SPOCK3: variants seen among roughly 807,000 people sequenced by gnomAD.
The protein encoded by SPOCK3 is testican-3.
Under a neutral mutation model 56.6 loss-of-function variants are expected in SPOCK3, and 30 were observed. The observed-to-expected ratio is 0.53, with a 90% CI of 0.40 to 0.72. The LOEUF is 0.72. Ranked by LOEUF, SPOCK3 falls within the 30% of genes least tolerant of loss-of-function variation. The pLI is 0.00. For synonymous variants in SPOCK3, 196 were observed against 183.3 expected, an observed-to-expected ratio of 1.07 and a Z score of -0.56; for missense variants, 527 against 530.0, an observed-to-expected ratio of 0.99 and a Z score of 0.06.
At chr4:167,116,907 G>GTTTATATATATATATA (rs1439696016) in intron 2 of SPOCK3, among the ~76,000 whole-genome samples, 1 of 108,572 alleles carries the variant, frequency 9.2e-6, no homozygotes, top group Non-Finnish European at 2.1e-5. Flanking sequence ...TTTTGTGTGT[G>GTTTATATATATATATA]TGTGTGTATA....
At chr4:166,781,138 T>G (rs1310681745) in intron 7 of SPOCK3, among the ~76,000 whole-genome samples, 1 of 152,014 alleles carries the variant, frequency 6.6e-6, no homozygotes, top group African/African-American at 2.4e-5. Flanking sequence ...ACACAATATA[T>G]CCAGTTTTAA....
At chr4:167,139,156 T>C (rs575430933) in intron 2 of SPOCK3, among the ~76,000 whole-genome samples, 3 of 152,092 alleles carry the variant, frequency 2.0e-5, no homozygotes, top group African/African-American at 7.2e-5. Context: ...GCCCATATAA[T>C]AGATTCATTT....
intron 4 of SPOCK3, among the ~76,000 whole-genome samples, chr4:166,972,208 G>A (rs143759131): frequency 1.4e-3 from 218 of 152,216 alleles, no homozygotes; most frequent in Non-Finnish European, 2.5e-3. Flanking sequence ...ATTACTCAGC[G>A]AAAGAGAAAG....
chr4:167,170,553 C>T (rs1014209706), intron 2 of SPOCK3, among the ~76,000 whole-genome samples: 59 of 152,124 alleles, frequency 3.9e-4, no homozygotes, highest in African/African-American at 1.4e-3. Context: ...ATTCTCTAAT[C>T]ATTCCAGTTT....
At position 167,218,389 on chromosome 4, in the gene SPOCK3, C is replaced by T. The variant is rs139556594; in HGVS notation, c.189+15596G>A. ...ACCTTTGAGGCTGATGCCAAAGATC[C>T]TCTAGAACCTACACATTAGAGCAAA... On this transcript the variant is annotated intron_variant, in intron 2 of 10. Coordinates refer to ENST00000357545, the MANE Select transcript of SPOCK3 (RefSeq NM_001040159.2). Among the ~76,000 whole-genome samples, 255 of 152,226 alleles carry T rather than the reference C, an allele frequency of 1.7e-3. 7 individuals are homozygous for T. The highest frequency in any genetic ancestry group is 0.015 in the Admixed American group (229 of 15,266).
intron 7 of SPOCK3, among the ~76,000 whole-genome samples, chr4:166,768,111 C>T (rs1252789115): frequency 6.6e-6 from 1 of 152,020 alleles, no homozygotes; most frequent in Non-Finnish European, 1.5e-5. Context: ...CTCCTGAATA[C>T]AGCACACTGA....
intron 6 of SPOCK3, among the ~76,000 whole-genome samples, chr4:166,828,663 T>G (rs2126786642): frequency 1.3e-5 from 2 of 152,194 alleles, no homozygotes; most frequent in Middle Eastern, 3.4e-3. Flanking sequence ...AATGATTGTT[T>G]TGCATTGTGA....
chr4:166,953,014 A>G (rs1004637229), intron 4 of SPOCK3, among the ~76,000 whole-genome samples: 14 of 151,856 alleles, frequency 9.2e-5, no homozygotes, highest in African/African-American at 3.4e-4. Flanking sequence ...CATTCAGGAC[A>G]TAGGCATGGG....
intron 4 of SPOCK3, among the ~76,000 whole-genome samples, chr4:166,984,027 C>T (rs755618784): frequency 9.9e-5 from 15 of 151,782 alleles, no homozygotes; most frequent in Non-Finnish European, 1.9e-4. Flanking sequence ...TGTAGAAAAC[C>T]TAAAAAATAA....
chr4:166,917,710 G>T (rs998477655), intron 4 of SPOCK3, among the ~76,000 whole-genome samples: 1 of 151,824 alleles, frequency 6.6e-6, no homozygotes, highest in Non-Finnish European at 1.5e-5. Flanking sequence ...TCTCTTTCCT[G>T]CTCCTTCGTG....
chr4:166,993,033 C>T (rs1475654354), intron 4 of SPOCK3, among the ~76,000 whole-genome samples: 1 of 152,098 alleles, frequency 6.6e-6, no homozygotes, highest in African/African-American at 2.4e-5. Context: ...GATTTAAACC[C>T]CTGTTCTCAC....
chr4:167,056,232 C>A lies in SPOCK3; in HGVS notation c.235+6260G>T, dbSNP rs190620482. 1.9e-3 allele frequency among the ~76,000 whole-genome samples: 294 copies of A among 152,318 alleles called. 1 individual carries two copies. Among genetic ancestry groups the A allele is most frequent in the African/African-American group, 6.6e-3 (276 of 41,572 alleles). ...CCTCTAGCAAACTCCAACAGATCTG[C>A]AGCTGAGGGTCCTGCCTGTTAGAAG... On this transcript the variant is annotated intron_variant, in intron 3 of 10. Transcript: ENST00000357545.
intron 6 of SPOCK3, among the ~76,000 whole-genome samples, chr4:166,851,847 C>G (rs566738003): frequency 6.6e-6 from 1 of 151,832 alleles, no homozygotes; most frequent in African/African-American, 2.4e-5. Context: ...CACATGCACA[C>G]GTATGTTTAT....
At chr4:167,028,235 T>A (rs184866645) in intron 3 of SPOCK3, among the ~76,000 whole-genome samples, 16 of 151,242 alleles carry the variant, frequency 1.1e-4, no homozygotes, top group African/African-American at 3.6e-4. Flanking sequence ...TTTTTTTTTT[T>A]AATTCCAAGC....
chr4:166,777,729 C>G (rs570585926), intron 7 of SPOCK3, among the ~76,000 whole-genome samples: 2 of 151,950 alleles, frequency 1.3e-5, no homozygotes, highest in Non-Finnish European at 2.9e-5. Context: ...AAAGTGAGGC[C>G]TTGTCTCAAA....
At chr4:166,784,166 A>G (rs952739134) in intron 7 of SPOCK3, among the ~76,000 whole-genome samples, 1 of 152,138 alleles carries the variant, frequency 6.6e-6, no homozygotes, top group South Asian at 2.1e-4. Context: ...AGCAATTGCC[A>G]TTGTTTGGAA....
chr4:166,764,095 A>T (rs1318415281), intron 7 of SPOCK3, among the ~76,000 whole-genome samples: 1 of 152,038 alleles, frequency 6.6e-6, no homozygotes, highest in East Asian at 1.9e-4. Context: ...GCCACCATCC[A>T]TACTTCTAGG....
At chr4:166,740,356 A>G (rs1248444494) in intron 9 of SPOCK3, among the ~76,000 whole-genome samples, 6 of 151,860 alleles carry the variant, frequency 4.0e-5, no homozygotes, top group Non-Finnish European at 7.4e-5. Flanking sequence ...ATACCTTCAA[A>G]TAATAAAAAC....
chr4:167,195,298 C>A (rs146813269), intron 2 of SPOCK3, among the ~76,000 whole-genome samples: 55 of 152,286 alleles, frequency 3.6e-4, no homozygotes, highest in African/African-American at 1.2e-3. Flanking sequence ...CATTTTCAGA[C>A]CATGACTAAG....
Sources: gnomAD v4.1 joint callset for allele counts (sites outside exome capture counted in the v4.1 genomes callset) on GRCh38, gnomAD v4.1.1 for gene constraint, MANE v1.5 for transcripts, NCBI Gene and HGNC (gene_info 2026-07-23, HGNC 2026-07-21) for gene names.